Variants in SLC9C1 observed in about 807,000 individuals in gnomAD.
SLC9C1 encodes sodium/hydrogen exchanger 10.
Under a neutral mutation model 140.9 loss-of-function variants are expected in SLC9C1, and 97 were observed. The ratio of observed to expected loss-of-function variants is 0.69; its 90% CI spans 0.58 to 0.82. The LOEUF (loss-of-function observed/expected upper bound fraction) is 0.82, where lower values mean the gene tolerates loss of function less well. SLC9C1 is among the 40% of genes least tolerant of loss of function. The pLI is 0.00. For missense variants in SLC9C1, 1,340 were observed against 1,389.3 expected (o/e 0.96, Z 0.56); for synonymous variants, 440 against 442.6 (o/e 0.99, Z 0.07).
Position 112,278,877 on chromosome 3 carries a change from T to TA in SLC9C1, c.190-21_190-20insT. On this transcript the variant is annotated intron_variant, in intron 3 of 28. Coordinates refer to ENST00000305815, the MANE Select transcript of SLC9C1 (RefSeq NM_183061.3). ...TTGGACCTAATATTATACAAATATA[T>TA]CATCTTCTCATTTATTCATCACTAT... The TA allele has an allele frequency of 6.3e-7, 1 of 1,594,908 alleles. No individual in the cohort carries two copies. Among genetic ancestry groups the TA allele is most frequent in the Non-Finnish European group, 8.5e-7 (1 of 1,173,604 alleles).
chr3:112,277,508 A>G (rs1174490137), intron 5 of SLC9C1, among the ~76,000 whole-genome samples, 187 bp downstream of exon 5: 2 of 152,090 alleles, frequency 1.3e-5, no homozygotes, highest in Admixed American at 6.6e-5. Flanking sequence ...GACACTAAGT[A>G]AGCCCATCAC....
intron 28 of SLC9C1, among the ~76,000 whole-genome samples, chr3:112,144,450 C>A (rs1005352993): frequency 3.9e-5 from 6 of 151,950 alleles, no homozygotes; most frequent in Admixed American, 3.3e-4. Context: ...TGTGAGCCAC[C>A]ACACCCGGCC....
At chr3:112,154,870 C>T (rs969637056) in intron 27 of SLC9C1, 127 bp downstream of exon 27, 4 of 853,340 alleles carry the variant, frequency 4.7e-6, no homozygotes, top group Non-Finnish European at 7.3e-6. Context: ...GTGTTTTACA[C>T]CAAAATCTAC....
intron 10 of SLC9C1, among the ~76,000 whole-genome samples, chr3:112,252,788 G>T (rs1005760877): frequency 2.0e-5 from 3 of 152,016 alleles, no homozygotes; most frequent in Non-Finnish European, 4.4e-5. Context: ...TGCTGCCCTT[G>T]GGAAAATAGG....
At chr3:112,225,959 G>A (rs922973134) in intron 13 of SLC9C1, among the ~76,000 whole-genome samples, 3 of 152,068 alleles carry the variant, frequency 2.0e-5, no homozygotes, top group South Asian at 2.1e-4. Flanking sequence ...ACTCCAATAC[G>A]ATAATAGTTG....
In SLC9C1 at chr3:112,286,696, ATACT is replaced by A. The variant is rs1206949730; in HGVS notation, c.88+4_88+7del. The A allele has an allele frequency of 6.2e-7, 1 of 1,606,996 alleles. No individual in the cohort carries two copies. Among genetic ancestry groups the A allele is most frequent in the Non-Finnish European group, 8.5e-7 (1 of 1,176,276 alleles). ...AATAAACTCAGATAAAGAGAGAGTG[ATACT>A]TACCTCCAATGGAGCTGATCAAAGA... On this transcript the variant is annotated splice_donor_5th_base_variant and intron_variant, in intron 2 of 28. Coordinates refer to ENST00000305815, the MANE Select transcript of SLC9C1 (RefSeq NM_183061.3).
At chr3:112,278,632 T>G in intron 4 of SLC9C1, 97 bp downstream of exon 4, 1 of 1,335,268 alleles carries the variant, frequency 7.5e-7, no homozygotes, top group Admixed American at 2.5e-5. Context: ...TTTTCTTTCT[T>G]CTTTGTTCCC....
At chr3:112,163,926 T>G (rs1422974486) in intron 26 of SLC9C1, among the ~76,000 whole-genome samples, 2 of 152,190 alleles carry the variant, frequency 1.3e-5, no homozygotes, top group Admixed American at 6.5e-5. Flanking sequence ...TGTAGGTCAC[T>G]CAGGACTTGC....
chr3:112,151,807 C>G, intron 28 of SLC9C1, 50 bp downstream of exon 28: 1 of 1,483,072 alleles, frequency 6.7e-7, no homozygotes. Flanking sequence ...GTCTGTATCT[C>G]CAGGGACAGA....
chr3:112,288,560 C>T (rs936409724), intron 1 of SLC9C1, among the ~76,000 whole-genome samples: 2 of 152,170 alleles, frequency 1.3e-5, no homozygotes, highest in Admixed American at 1.3e-4. Flanking sequence ...AATTCAAGAC[C>T]AGGCTGGGCA....
chr3:112,288,663 G>A (rs1290431641), intron 1 of SLC9C1, among the ~76,000 whole-genome samples: 2 of 152,122 alleles, frequency 1.3e-5, no homozygotes, highest in East Asian at 3.9e-4. Flanking sequence ...CTGAGGGGGT[G>A]GTGGGACATT....
At chr3:112,256,553 G>A (rs539902494) in intron 10 of SLC9C1, among the ~76,000 whole-genome samples, 18 of 152,176 alleles carry the variant, frequency 1.2e-4, no homozygotes, top group Admixed American at 3.3e-4. Context: ...ACTAGGTATC[G>A]AAGGACCATA....
chr3:112,143,251 A>C (rs1403752687), intron 28 of SLC9C1, among the ~76,000 whole-genome samples: 5 of 142,672 alleles, frequency 3.5e-5, no homozygotes, highest in African/African-American at 1.3e-4. Context: ...ATATATATAT[A>C]TCTCCAGTAA....
chr3:112,239,831 C>G lies in SLC9C1; in HGVS notation c.1446+9G>C. The stretch of plus-strand genomic sequence containing the variant: ...CATTAAAGCAATAAAAAAGATATTA[C>G]TTGCTTACCATGTATGGGTTTTCAA... On this transcript the variant is annotated intron_variant, in intron 12 of 28. Transcript: ENST00000305815. 6.3e-7 allele frequency: 1 copy of G among 1,597,864 alleles called. No homozygotes were observed. The highest frequency in any genetic ancestry group is 8.5e-7 in the Non-Finnish European group (1 of 1,172,760).
intron 17 of SLC9C1, among the ~76,000 whole-genome samples, chr3:112,203,413 C>T (rs1383780969): frequency 3.3e-5 from 5 of 151,940 alleles, no homozygotes; most frequent in East Asian, 3.9e-4. Flanking sequence ...CTTAGAATAC[C>T]GAAAAAGCAG....
intron 3 of SLC9C1, among the ~76,000 whole-genome samples, chr3:112,279,111 T>G (rs947316076): frequency 5.3e-5 from 8 of 151,992 alleles, no homozygotes; most frequent in African/African-American, 1.2e-4. Context: ...TAATAAACAA[T>G]GTTTAACATG....
chr3:112,286,775 T>C lies in SLC9C1; in HGVS notation c.17A>G (p.Lys6Arg), dbSNP rs773765117. Residue 6 changes from lysine to arginine, a missense_variant, in exon 2 of 29, where the codon AAG (lysine) becomes AGG (arginine). Lys to Arg is a conservative substitution (Grantham distance 26). Transcript: ENST00000305815. ...GTCCTCAGTACTGAAAAAAAACTCC[T>C]TAAATATTCCAGCCATGTTTCAGAA... MAGIF[K>R]EFFFSTEDLP... 5 of 1,612,112 alleles carry C rather than the reference T, an allele frequency of 3.1e-6. No individual in the cohort carries two copies. The South Asian group carries it at 5.5e-5, about 18-fold the overall frequency.
At chr3:112,176,548 C>G (rs776447278) in intron 23 of SLC9C1, among the ~76,000 whole-genome samples, 2 of 152,184 alleles carry the variant, frequency 1.3e-5, no homozygotes, top group Admixed American at 6.5e-5. Context: ...TGCTTTACTC[C>G]TCACCTTTTA....
rs752452714 is a variant in SLC9C1, at chr3:112,169,035, G to A, written c.3079C>T (p.Leu1027Phe). The A allele has an allele frequency of 2.1e-5, 33 of 1,594,918 alleles. No homozygotes were observed. The highest frequency in any genetic ancestry group is 2.7e-5 in the Non-Finnish European group (32 of 1,174,202). ...EDWNYNMQLKLSNIYVVDIPM... is the reference protein window; with the variant it reads ...EDWNYNMQLKFSNIYVVDIPM... ...ATATCTACTACATAAATATTAGAGAGCTTTAGTTGCATATTGTAGTTCCAA... is the reference window on the plus strand; with the variant it reads ...ATATCTACTACATAAATATTAGAGAACTTTAGTTGCATATTGTAGTTCCAA... Residue 1027 changes from leucine to phenylalanine, a missense_variant, in exon 25 of 29, where the codon CTC (leucine) becomes TTC (phenylalanine). Leu to Phe is a conservative substitution (Grantham distance 22). Coordinates refer to ENST00000305815, the MANE Select transcript of SLC9C1 (RefSeq NM_183061.3).
Sources: gnomAD v4.1 joint callset for allele counts (sites outside exome capture counted in the v4.1 genomes callset) on GRCh38, gnomAD v4.1.1 for gene constraint, MANE v1.5 for transcripts, NCBI Gene and HGNC (gene_info 2026-07-23, HGNC 2026-07-21) for gene names.